Variants in HEATR4 observed in about 807,000 individuals in gnomAD.
The protein encoded by HEATR4 is HEAT repeat containing 4.
Under a neutral mutation model 108.8 loss-of-function variants are expected in HEATR4, and 95 were observed. The observed-to-expected ratio is 0.87, with a 90% CI of 0.74 to 1.04. HEATR4 has a LOEUF of 1.04. Among genes scored for constraint, HEATR4 ranks in the 50% least tolerant of loss-of-function variants. The probability of loss-of-function intolerance (pLI) is 0.00; values close to 1 mark genes in which losing one functional copy is unlikely to be tolerated. For missense variants in HEATR4, 1,152 were observed against 1,253.8 expected (o/e 0.92, Z 1.23); for synonymous variants, 443 against 459.4 (o/e 0.96, Z 0.46).
chr14:73,573,161 C>T, the HEATR4 span, among the ~76,000 whole-genome samples: 1 of 151,714 alleles, frequency 6.6e-6, no homozygotes, highest in Admixed American at 6.6e-5. Flanking sequence ...TGGATTCATT[C>T]ACCAGTTAAA....
intron 17 of HEATR4, chr14:73,490,967 T>C: frequency 7.6e-7 from 1 of 1,308,918 alleles, no homozygotes; most frequent in South Asian, 2.3e-5. Flanking sequence ...CAGGAACCGC[T>C]TTAGCTTCGC....
Position 73,478,731 on chromosome 14 carries a change from T to C in HEATR4, c.2956A>G (p.Lys986Glu), listed in dbSNP as rs771489599. Residue 986 changes from lysine to glutamate, a missense_variant, in exon 18 of 18, where the codon AAA (lysine) becomes GAA (glutamate). By Grantham distance (56) the Lys-to-Glu change is moderately conservative (BLOSUM62 1). Transcript: ENST00000553558. Reference protein sequence around the residue: ...LVKDLRTSPEKRIAVGPFRSD... With the variant: ...LVKDLRTSPEERIAVGPFRSD... ...CTAAATGGTCCCACAGCAATCCTTT[T>C]CTCGGGGGAGGTGCGTAGATCTTTG... is the stretch of plus-strand genomic sequence containing the variant. The C allele has an allele frequency of 6.2e-7, 1 of 1,614,006 alleles. No homozygotes were observed. Among genetic ancestry groups the C allele is most frequent in the South Asian group, 1.1e-5 (1 of 91,048 alleles).
the HEATR4 span, among the ~76,000 whole-genome samples, chr14:73,609,025 C>T: frequency 6.6e-6 from 1 of 152,160 alleles, no homozygotes; most frequent in African/African-American, 2.4e-5. Flanking sequence ...CCAGGTCCCT[C>T]CCAGGACATA....
chr14:73,512,093 G>T lies in HEATR4; in HGVS notation c.1471C>A (p.His491Asn). The T allele has an allele frequency of 6.2e-7, 1 of 1,614,172 alleles. No homozygotes were observed. Among genetic ancestry groups the T allele is most frequent in the Non-Finnish European group, 8.5e-7 (1 of 1,180,030 alleles). ...ENLLQSLGDL[H>N]DDVRIKAITT... ...ATAGCTTTGATCCGAACGTCATCAT[G>T]CAGGTCTCCCAAGCTCTGAAGCAGG... Residue 491 changes from histidine to asparagine, a missense_variant, in exon 7 of 18, where the codon CAT becomes AAT. Physicochemically the swap from His to Asn is moderately conservative, Grantham distance 68. Transcript: ENST00000553558.
the HEATR4 span, chr14:73,569,499 G>A: frequency 1.2e-6 from 2 of 1,611,328 alleles, no homozygotes; most frequent in Non-Finnish European, 1.7e-6. Context: ...CGCCGTGCGC[G>A]GCCTAGCCCC....
chr14:73,614,343 C>T, the HEATR4 span, among the ~76,000 whole-genome samples: 1 of 152,152 alleles, frequency 6.6e-6, no homozygotes, highest in Non-Finnish European at 1.5e-5. Context: ...CTCGTGGCTG[C>T]CCACTGTACT....
At chr14:73,592,335 G>A in the HEATR4 span, 1 of 1,604,152 alleles carries the variant, frequency 6.2e-7, no homozygotes, top group Non-Finnish European at 8.5e-7. Context: ...GGCGCAGCAC[G>A]AGCGCCACTT....
At chr14:73,523,601 A>G (rs1188108985) in intron 2 of HEATR4, among the ~76,000 whole-genome samples, 1 of 152,176 alleles carries the variant, frequency 6.6e-6, no homozygotes, top group African/African-American at 2.4e-5. Flanking sequence ...GCCTCAGTTT[A>G]TGACTTTGTC....
chr14:73,617,587 C>T, the HEATR4 span, among the ~76,000 whole-genome samples: 1 of 152,180 alleles, frequency 6.6e-6, no homozygotes, highest in Admixed American at 6.5e-5. Flanking sequence ...AAAGTTCCAG[C>T]TCTGCATCTA....
chr14:73,531,584 CT>C lies in HEATR4; in HGVS notation c.-151-1341del, dbSNP rs1476508895. Among the ~76,000 whole-genome samples the C allele has an allele frequency of 1.2e-4, 13 of 109,306 alleles. 2 individuals carry two copies. Among genetic ancestry groups the C allele is most frequent in the African/African-American group, 3.2e-4 (11 of 33,984 alleles). 71.7% of individuals were successfully genotyped at this position (109,306 alleles called of 152,430 possible). A position where few individuals can be genotyped will look rare whatever the true frequency, so the allele number is the denominator to read the frequency against. ...CCACCACGCCCCACTAATTGTTGTA[CT>C]TTTAGTAGAGATGGGGTTTCACCAT... On this transcript the variant is annotated intron_variant, in intron 1 of 17. Coordinates refer to ENST00000553558, the MANE Select transcript of HEATR4 (RefSeq NM_001220484.1).
the HEATR4 span, chr14:73,571,771 T>A: frequency 6.6e-6 from 1 of 152,048 alleles, no homozygotes; most frequent in Non-Finnish European, 1.5e-5. Flanking sequence ...AGTTTCTCAT[T>A]TTTGCAACTT....
At position 73,509,324 on chromosome 14, in the gene HEATR4, C is replaced by A; in HGVS notation, c.1708G>T (p.Ala570Ser). The change falls in exon 8 of 18, where the codon GCC becomes TCC. Residue 570 changes from alanine (A) to serine (S), a missense_variant. By Grantham distance (99) the Ala-to-Ser change is moderately conservative. Coordinates refer to ENST00000553558, the MANE Select transcript of HEATR4 (RefSeq NM_001220484.1). ...NPLARNIMQT[A>S]LLKGNSVDSW... Reference sequence around the variant, plus strand: ...GGGAGTTACTCACCCTTCAGAAGGGCAGTCTGCATGATGTTCCGGGCAAGG... The same window carrying A: ...GGGAGTTACTCACCCTTCAGAAGGGAAGTCTGCATGATGTTCCGGGCAAGG... 6.2e-7 allele frequency: 1 copy of A among 1,614,062 alleles called. No individual in the cohort carries two copies. The highest frequency in any genetic ancestry group is 1.3e-5 in the African/African-American group (1 of 75,030).
At chr14:73,591,912 G>T in the HEATR4 span, 4 of 1,344,094 alleles carry the variant, frequency 3.0e-6, no homozygotes, top group South Asian at 8.2e-5. Flanking sequence ...CCACGATCTT[G>T]GACGGGTCTC....
At chr14:73,629,786 A>G in the HEATR4 span, among the ~76,000 whole-genome samples, 2 of 151,848 alleles carry the variant, frequency 1.3e-5, no homozygotes, top group South Asian at 4.2e-4. Flanking sequence ...CTGGGACTAC[A>G]GGCACCCGCC....
At chr14:73,628,491 C>T in the HEATR4 span, among the ~76,000 whole-genome samples, 2 of 152,104 alleles carry the variant, frequency 1.3e-5, no homozygotes, top group African/African-American at 2.4e-5. Flanking sequence ...TGGTGGCTCA[C>T]ACCTGTAATC....
chr14:73,522,132 C>G (rs761271884), intron 3 of HEATR4, 140 bp downstream of exon 3: 161 of 911,754 alleles, frequency 1.8e-4, no homozygotes, highest in Middle Eastern at 3.6e-4. Context: ...TTGCAGAGCT[C>G]TCAGAGAGCA....
the HEATR4 span, among the ~76,000 whole-genome samples, chr14:73,590,585 GC>G: frequency 1.3e-5 from 2 of 152,346 alleles, no homozygotes; most frequent in South Asian, 4.1e-4. Context: ...GGGGGCGGGG[GC>G]TCAGGCATGG....
intron 12 of HEATR4, among the ~76,000 whole-genome samples, chr14:73,500,199 C>T (rs1886357129): frequency 6.6e-6 from 1 of 151,910 alleles, no homozygotes. Context: ...CACTGCACTC[C>T]AGCTTGGGTC....
intron 2 of HEATR4, among the ~76,000 whole-genome samples, chr14:73,526,288 C>A (rs1217608619): frequency 1.3e-5 from 2 of 152,216 alleles, no homozygotes; most frequent in Non-Finnish European, 1.5e-5. Flanking sequence ...GTGGGACAGA[C>A]CTGAGTCCCA....
Sources: gnomAD v4.1 joint callset for allele counts (sites outside exome capture counted in the v4.1 genomes callset) on GRCh38, gnomAD v4.1.1 for gene constraint, MANE v1.5 for transcripts, NCBI Gene and HGNC (gene_info 2026-07-23, HGNC 2026-07-21) for gene names.